The following EEF2K variants were observed in gnomAD, a reference collection of about 807,000 sequenced individuals.
EEF2K encodes the protein eukaryotic elongation factor 2 kinase.
EEF2K carries 70 observed loss-of-function variants against 93.8 expected under a neutral mutation model. The observed-to-expected ratio is 0.75, with a 90% CI of 0.62 to 0.91. The LOEUF (loss-of-function observed/expected upper bound fraction) is 0.91, where lower values mean the gene tolerates loss of function less well. Ranked by LOEUF, EEF2K falls within the 40% of genes least tolerant of loss-of-function variation. The pLI, the probability that EEF2K is intolerant of heterozygous loss-of-function variation, is 0.00. For missense variants in EEF2K, 935 were observed against 972.9 expected, an observed-to-expected ratio of 0.96 and a Z score of 0.52; for synonymous variants, 376 against 380.8, an observed-to-expected ratio of 0.99 and a Z score of 0.15.
At chr16:22,220,036 A>G (rs1400076076) in intron 1 of EEF2K, among the ~76,000 whole-genome samples, 1 of 152,238 alleles carries the variant, frequency 6.6e-6, no homozygotes, top group Admixed American at 6.5e-5. Flanking sequence ...GTTTATATCT[A>G]TCTGCAAAGG....
At chr16:22,247,113 C>A (rs867951182) in intron 3 of EEF2K, among the ~76,000 whole-genome samples, 1 of 141,046 alleles carries the variant, frequency 7.1e-6, no homozygotes, top group Admixed American at 7.2e-5. Flanking sequence ...GAAACTAGAA[C>A]CCCTTTTTCC....
chr16:22,233,963 A>G (rs1309398816), intron 2 of EEF2K, among the ~76,000 whole-genome samples: 3 of 152,152 alleles, frequency 2.0e-5, no homozygotes, highest in Non-Finnish European at 4.4e-5. Flanking sequence ...TGTTGGAAGC[A>G]CCATAATAAA....
At chr16:22,214,767 T>C (rs1168765911) in intron 1 of EEF2K, among the ~76,000 whole-genome samples, 1 of 152,114 alleles carries the variant, frequency 6.6e-6, no homozygotes, top group Non-Finnish European at 1.5e-5. Context: ...GTTTTGCTAG[T>C]GAGTGGGAAA....
At chr16:22,213,358 C>A (rs575686858) in intron 1 of EEF2K, among the ~76,000 whole-genome samples, 3 of 152,300 alleles carry the variant, frequency 2.0e-5, no homozygotes, top group Non-Finnish European at 4.4e-5. Context: ...TTGGGCCGGA[C>A]CTTCTTCACT....
At chr16:22,210,448 G>A (rs1344499541) in intron 1 of EEF2K, among the ~76,000 whole-genome samples, 2 of 152,216 alleles carry the variant, frequency 1.3e-5, no homozygotes, top group Non-Finnish European at 2.9e-5. Flanking sequence ...TAGTAGGTCT[G>A]TAGTGAGGCT....
Position 22,225,786 on chromosome 16 carries a change from C to A in EEF2K, c.57C>A (p.Pro19=), listed in dbSNP as rs748311349. ...RLEGVDGGQS[P]RAGHDGDSDG... ...AAGGCGTTGATGGCGGCCAGTCCCC[C>A]CGAGCTGGCCATGATGGTGATTCTG... is the stretch of plus-strand genomic sequence containing the variant. Residue 19 remains proline (P), a synonymous_variant, in exon 2 of 18, where the codon CCC becomes CCA. Transcript: ENST00000263026. The A allele has an allele frequency of 1.2e-6, 2 of 1,614,240 alleles. No individual in the cohort carries two copies. Among genetic ancestry groups the A allele is most frequent in the Non-Finnish European group, 1.7e-6 (2 of 1,180,050 alleles).
intron 2 of EEF2K, among the ~76,000 whole-genome samples, chr16:22,230,208 T>C (rs562839786): frequency 6.6e-6 from 1 of 152,154 alleles, no homozygotes; most frequent in East Asian, 1.9e-4. Context: ...CAAAGTGATG[T>C]TTCTTTCCTT....
intron 16 of EEF2K, among the ~76,000 whole-genome samples, chr16:22,277,633 T>C (rs1404030388): frequency 6.6e-6 from 1 of 152,184 alleles, no homozygotes; most frequent in Non-Finnish European, 1.5e-5. Context: ...AGGGACACCA[T>C]GATAAACAAG....
At chr16:22,241,689 G>A (rs548252463) in intron 2 of EEF2K, among the ~76,000 whole-genome samples, 5 of 145,926 alleles carry the variant, frequency 3.4e-5, no homozygotes, top group African/African-American at 1.3e-4. Flanking sequence ...AAAAGAATTA[G>A]TCTACGGCAT....
chr16:22,266,746 A>G lies in EEF2K; in HGVS notation c.1634A>G (p.Glu545Gly), dbSNP rs1441065857. ...EGGRFCEKGE[E>G]WDQESAVFHL... ...GGGCGCTTCTGCGAGAAGGGCGAGG[A>G]GTGGGACCAGGAGTCGGCTGTCTTC... The change falls in exon 15 of 18, where the codon GAG (glutamate) becomes GGG (glycine). Residue 545 changes from glutamate (E) to glycine (G), a missense_variant. Coordinates refer to ENST00000263026, the MANE Select transcript of EEF2K (RefSeq NM_013302.5). 6.2e-7 allele frequency: 1 copy of G among 1,614,150 alleles called. No individual in the cohort carries two copies. Among genetic ancestry groups the G allele is most frequent in the Non-Finnish European group, 8.5e-7 (1 of 1,180,010 alleles).
intron 3 of EEF2K, among the ~76,000 whole-genome samples, chr16:22,247,166 C>T (rs770724407): frequency 4.7e-5 from 7 of 150,122 alleles, no homozygotes; most frequent in African/African-American, 7.4e-5. Flanking sequence ...CTAGGCCAGG[C>T]GCAGTGGCTA....
chr16:22,254,123 G>A (rs1353053535), intron 6 of EEF2K, among the ~76,000 whole-genome samples: 11 of 147,740 alleles, frequency 7.4e-5, no homozygotes, highest in South Asian at 2.2e-4. Flanking sequence ...AGTAGTAGTA[G>A]TAACAATAAT....
In EEF2K at chr16:22,257,269, C is replaced by T. The variant is rs1383770286; in HGVS notation, c.785C>T (p.Thr262Ile). 1 of 1,614,048 alleles carries T rather than the reference C, an allele frequency of 6.2e-7. No individual in the cohort carries two copies. The highest frequency in any genetic ancestry group is 8.5e-7 in the Non-Finnish European group (1 of 1,180,040). The change falls in exon 8 of 18, where the codon ACT becomes ATT. Residue 262 changes from threonine to isoleucine, a missense_variant. Coordinates refer to ENST00000263026, the MANE Select transcript of EEF2K (RefSeq NM_013302.5). ...CCCCTGTAGGCCTTCAGCCACTTCA[C>T]TTTTGAGCGTTCCGGCCATCAGCTG... ...RLTPQAFSHF[T>I]FERSGHQLIV... is the part of the protein sequence containing the mutation.
At chr16:22,259,299 A>G (rs1319096431) in intron 10 of EEF2K, among the ~76,000 whole-genome samples, 3 of 152,214 alleles carry the variant, frequency 2.0e-5, no homozygotes, top group African/African-American at 2.4e-5. Context: ...TCATGTATTC[A>G]GGGAAAGTGT....
chr16:22,276,177 C>A (rs965171283), intron 16 of EEF2K, among the ~76,000 whole-genome samples: 1 of 149,746 alleles, frequency 6.7e-6, no homozygotes, highest in Admixed American at 6.7e-5. Context: ...AACTCCTGGC[C>A]TCAAGCAATC....
chr16:22,209,746 G>C (rs1567255250), intron 1 of EEF2K, among the ~76,000 whole-genome samples: 1 of 152,194 alleles, frequency 6.6e-6, no homozygotes, highest in African/African-American at 2.4e-5. Context: ...AGTGTTGCTG[G>C]ATCAAATTCT....
At chr16:22,219,572 G>A (rs2046992508) in intron 1 of EEF2K, among the ~76,000 whole-genome samples, 2 of 152,182 alleles carry the variant, frequency 1.3e-5, no homozygotes, top group South Asian at 4.1e-4. Context: ...AGGCTGCAAT[G>A]AGCTCTGATT....
chr16:22,225,986 C>CACCT lies in EEF2K; in HGVS notation c.246+13_246+16dup. ...TCCTTCCACTTCAAGGTGAGTGAGC[C>CACCT]ACCTATTCCACCTTCCCCACCTGGC... On this transcript the variant is annotated intron_variant, in intron 2 of 17. Coordinates refer to ENST00000263026, the MANE Select transcript of EEF2K (RefSeq NM_013302.5). The CACCT allele has an allele frequency of 6.2e-7, 1 of 1,612,282 alleles. No homozygotes were observed. Among genetic ancestry groups the CACCT allele is most frequent in the South Asian group, 1.1e-5 (1 of 90,982 alleles).
intron 2 of EEF2K, among the ~76,000 whole-genome samples, chr16:22,227,866 A>G (rs1452822420): frequency 6.6e-6 from 1 of 151,522 alleles, no homozygotes; most frequent in African/African-American, 2.4e-5. Flanking sequence ...GGAGGCCAAG[A>G]TGGTAGGATC....
Sources: allele counts gnomAD v4.1 joint callset (sites outside exome capture counted in the v4.1 genomes callset), GRCh38; gene constraint gnomAD v4.1.1; transcripts MANE v1.5; gene names NCBI Gene and HGNC (gene_info 2026-07-23, HGNC 2026-07-21).